The following WWTR1 variants were observed in gnomAD, a reference collection of about 807,000 sequenced individuals.
WWTR1 encodes WW domain containing transcription regulator 1.
In WWTR1, 13 loss-of-function variants were observed where a neutral mutation model predicts 40.1. The ratio of observed to expected loss-of-function variants is 0.32; its 90% CI spans 0.21 to 0.52. WWTR1 has a LOEUF of 0.52. Ranked by LOEUF, WWTR1 falls within the 20% of genes least tolerant of loss-of-function variation. The pLI, the probability that WWTR1 is intolerant of heterozygous loss-of-function variation, is 0.97. For synonymous variants in WWTR1, 230 were observed against 210.1 expected, an observed-to-expected ratio of 1.09 and a Z score of -0.82; for missense variants, 436 against 523.1, an observed-to-expected ratio of 0.83 and a Z score of 1.63.
chr3:149,542,577 C>T (rs28763915), intron 3 of WWTR1, 40 bp from the exon 4 acceptor site: 1 of 1,546,072 alleles, frequency 6.5e-7, no homozygotes, highest in Non-Finnish European at 8.8e-7. Context: ...GACCAGGGCC[C>T]ACAATACCTT....
chr3:149,707,663 C>A (rs1413305447), upstream of WWTR1, among the ~76,000 whole-genome samples: 1 of 152,098 alleles, frequency 6.6e-6, no homozygotes, highest in Non-Finnish European at 1.5e-5. Context: ...GGAATCATTT[C>A]TCAGAGGACT....
At chr3:149,630,125 T>G (rs1711509894) in intron 2 of WWTR1, among the ~76,000 whole-genome samples, 1 of 152,128 alleles carries the variant, frequency 6.6e-6, no homozygotes, top group Non-Finnish European at 1.5e-5. Context: ...GGATTACAGG[T>G]GTGAGCCACC....
intron 4 of WWTR1, among the ~76,000 whole-genome samples, chr3:149,530,042 A>G (rs1735493401): frequency 6.6e-6 from 1 of 152,178 alleles, no homozygotes; most frequent in Non-Finnish European, 1.5e-5. Flanking sequence ...AACTTTATCA[A>G]CATATGTCTT....
chr3:149,531,999 C>T (rs577327713), intron 4 of WWTR1, among the ~76,000 whole-genome samples: 8 of 152,226 alleles, frequency 5.3e-5, no homozygotes, highest in Non-Finnish European at 1.2e-4. Context: ...TCCTGCTGCA[C>T]TCTTTCCTGC....
At chr3:149,576,962 A>C (rs1007718084) in intron 2 of WWTR1, among the ~76,000 whole-genome samples, 1 of 152,234 alleles carries the variant, frequency 6.6e-6, no homozygotes, top group Non-Finnish European at 1.5e-5. Context: ...GTTCGAGACC[A>C]GCCTGACCAA....
intron 6 of WWTR1, among the ~76,000 whole-genome samples, chr3:149,524,324 A>G (rs1576534622): frequency 1.9e-5 from 1 of 52,966 alleles, no homozygotes; most frequent in African/African-American, 7.0e-5. Context: ...ATCCTCTTTT[A>G]TGGTTTTTTT....
intron 3 of WWTR1, among the ~76,000 whole-genome samples, chr3:149,568,491 C>T (rs1012430126): frequency 1.7e-5 from 2 of 114,768 alleles, no homozygotes; most frequent in South Asian, 2.9e-4. Context: ...TTAAGCTAGA[C>T]GAAACTGGAG....
At chr3:149,604,084 T>C (rs1384769072) in intron 2 of WWTR1, among the ~76,000 whole-genome samples, 1 of 152,166 alleles carries the variant, frequency 6.6e-6, no homozygotes, top group Non-Finnish European at 1.5e-5. Context: ...ACATGAAAAA[T>C]AGTTTCATAT....
intron 1 of WWTR1, among the ~76,000 whole-genome samples, chr3:149,688,376 T>C (rs892695695): frequency 7.2e-5 from 11 of 152,264 alleles, no homozygotes; most frequent in South Asian, 4.1e-4. Context: ...GTCCCAGCAA[T>C]GGTGGCCACA....
chr3:149,579,052 A>G (rs1284011072), intron 2 of WWTR1, among the ~76,000 whole-genome samples: 2 of 152,244 alleles, frequency 1.3e-5, no homozygotes, highest in African/African-American at 4.8e-5. Flanking sequence ...CTGGAAGCAT[A>G]CAAAGATATA....
intron 2 of WWTR1, among the ~76,000 whole-genome samples, chr3:149,595,025 G>A (rs897916237): frequency 3.1e-5 from 4 of 130,588 alleles, no homozygotes; most frequent in African/African-American, 5.9e-5. Context: ...GCAGTGGCGC[G>A]ATCTTGGCTC....
intron 3 of WWTR1, among the ~76,000 whole-genome samples, chr3:149,559,416 GA>G (rs1186627135): frequency 4.0e-5 from 6 of 150,796 alleles, no homozygotes; most frequent in African/African-American, 9.7e-5. Context: ...AAATGGTTCA[GA>G]AAAAAAAATA....
At chr3:149,569,865 G>C (rs922119792) in intron 3 of WWTR1, among the ~76,000 whole-genome samples, 7 of 152,078 alleles carry the variant, frequency 4.6e-5, no homozygotes, top group African/African-American at 1.7e-4. Flanking sequence ...TAAGAGTTGG[G>C]GGTCTCACTA....
At chr3:149,561,251 A>G (rs974699340) in intron 3 of WWTR1, among the ~76,000 whole-genome samples, 2 of 152,232 alleles carry the variant, frequency 1.3e-5, no homozygotes, top group Non-Finnish European at 2.9e-5. Flanking sequence ...AATTCACAAA[A>G]GGACTACTGT....
chr3:149,528,864 C>T (rs960207950), intron 4 of WWTR1, among the ~76,000 whole-genome samples: 2 of 152,116 alleles, frequency 1.3e-5, no homozygotes, highest in African/African-American at 4.8e-5. Flanking sequence ...ATCCAAATCC[C>T]ACAGACAAGT....
intron 4 of WWTR1, among the ~76,000 whole-genome samples, chr3:149,531,933 T>C (rs1434113747): frequency 3.3e-5 from 5 of 152,086 alleles, no homozygotes; most frequent in Non-Finnish European, 5.9e-5. Flanking sequence ...AGAGAAATAA[T>C]AGCCTATTGT....
intron 1 of WWTR1, among the ~76,000 whole-genome samples, chr3:149,680,990 A>T (rs776674890): frequency 2.0e-5 from 3 of 152,248 alleles, no homozygotes; most frequent in African/African-American, 4.8e-5. Flanking sequence ...TTTATCAAAC[A>T]ATGCTGCAAA....
intron 2 of WWTR1, among the ~76,000 whole-genome samples, chr3:149,608,733 G>C (rs190377810): frequency 1.0e-4 from 15 of 150,720 alleles, no homozygotes; most frequent in Non-Finnish European, 2.1e-4. Flanking sequence ...ATCAGAAGAA[G>C]AACCAAAACA....
At position 149,630,720 on chromosome 3, in the gene WWTR1, C is replaced by T. The variant is rs16862074; in HGVS notation, c.431+26156G>A. 8.1e-3 allele frequency among the ~76,000 whole-genome samples: 1,235 copies of T among 152,260 alleles called. 15 individuals carry two copies. Among genetic ancestry groups the T allele is most frequent in the African/African-American group, 0.029 (1,188 of 41,548 alleles). ...GTCACAATGCCTAAGGTAATGAGAA[C>T]GGTTAATAACTCAGATGATTAAATC... On this transcript the variant is annotated intron_variant, in intron 2 of 6. Transcript: ENST00000360632.
Sources: gnomAD v4.1 joint callset for allele counts (sites outside exome capture counted in the v4.1 genomes callset) on GRCh38, gnomAD v4.1.1 for gene constraint, MANE v1.5 for transcripts, NCBI Gene and HGNC (gene_info 2026-07-23, HGNC 2026-07-21) for gene names.